The following BCAT1 variants were observed in gnomAD, a reference collection of about 807,000 sequenced individuals.
The protein encoded by BCAT1 is branched chain amino acid transaminase 1.
Under a neutral mutation model 52.4 loss-of-function variants are expected in BCAT1, and 48 were observed. That is an observed-to-expected ratio of 0.92 (90% confidence interval 0.73 to 1.16). BCAT1 has a LOEUF of 1.16. BCAT1 is among the 50% of genes most tolerant of loss of function. BCAT1 has a pLI of 0.00. For missense variants in BCAT1, 451 were observed against 457.1 expected, an observed-to-expected ratio of 0.99 and a Z score of 0.12; for synonymous variants, 167 against 161.3, an observed-to-expected ratio of 1.04 and a Z score of -0.27.
chr12:24,940,926 C>T (rs561911185), intron 1 of BCAT1, among the ~76,000 whole-genome samples: 4 of 152,268 alleles, frequency 2.6e-5, no homozygotes, highest in African/African-American at 9.6e-5. Context: ...CTCTAAGTAC[C>T]TCTTTTGTTG....
At chr12:24,926,508 G>C (rs1268378594) in intron 1 of BCAT1, among the ~76,000 whole-genome samples, 1 of 152,248 alleles carries the variant, frequency 6.6e-6, no homozygotes, top group Non-Finnish European at 1.5e-5. Flanking sequence ...GCGGTTTTGT[G>C]GAATAGAAAA....
intron 1 of BCAT1, among the ~76,000 whole-genome samples, chr12:24,942,155 A>G (rs1029908692): frequency 2.0e-4 from 30 of 152,218 alleles, no homozygotes; most frequent in African/African-American, 7.2e-4. Flanking sequence ...AGCATAAACC[A>G]GTATGCAGGG....
In BCAT1 at chr12:24,816,590, C is replaced by CAAA. The variant is rs34453620; in HGVS notation, c.*1415_*1417dup. On this transcript the variant is annotated 3_prime_UTR_variant, in exon 11 of 11. Transcript: ENST00000261192. ...CAGAGTATGCCTCTTTGTTTTCTAC[C>CAAA]AAAAAAAAAAAAAAAAGATTTATTT... 60 of 373,538 alleles carry CAAA rather than the reference C, an allele frequency of 1.6e-4. No homozygotes were observed. The highest frequency in any genetic ancestry group is 6.8e-4 in the African/African-American group (30 of 43,850). The allele number at this position is 373,538 out of a possible 1,614,324, so 23.1% of individuals were successfully genotyped here.
At chr12:24,949,256 C>T (rs534248511), upstream of BCAT1, 2 of 468,698 alleles carry the variant, frequency 4.3e-6, no homozygotes, top group South Asian at 3.3e-5. Flanking sequence ...ACTCACTGCT[C>T]ACTCCCGGGG....
chr12:24,889,439 C>A (rs933090553), intron 3 of BCAT1, among the ~76,000 whole-genome samples: 4 of 152,238 alleles, frequency 2.6e-5, no homozygotes, highest in Admixed American at 2.6e-4. Context: ...GTCCCCCATG[C>A]TCTTCCAGAA....
intron 5 of BCAT1, among the ~76,000 whole-genome samples, chr12:24,854,597 A>G (rs994741696): frequency 6.6e-6 from 1 of 152,208 alleles, no homozygotes; most frequent in African/African-American, 2.4e-5. Flanking sequence ...GTGTTTATAT[A>G]GGAAAAGCTA....
intron 1 of BCAT1, among the ~76,000 whole-genome samples, chr12:24,920,704 T>C (rs1221073245): frequency 6.6e-6 from 1 of 152,118 alleles, no homozygotes. Context: ...AGAGATAGCA[T>C]CAGATCCACA....
At chr12:24,945,026 C>T (rs1943914555) in intron 1 of BCAT1, among the ~76,000 whole-genome samples, 1 of 152,194 alleles carries the variant, frequency 6.6e-6, no homozygotes. Context: ...ATGTGACATG[C>T]TATGCTGTAT....
intron 9 of BCAT1, among the ~76,000 whole-genome samples, chr12:24,832,446 T>A (rs1940707920): frequency 6.6e-6 from 1 of 152,208 alleles, no homozygotes; most frequent in African/African-American, 2.4e-5. Flanking sequence ...GGCGCACTCC[T>A]GTAATCCCAG....
intron 1 of BCAT1, among the ~76,000 whole-genome samples, chr12:24,946,253 C>T (rs188936988): frequency 6.2e-4 from 95 of 152,216 alleles, no homozygotes; most frequent in Non-Finnish European, 1.0e-3. Flanking sequence ...TGTTTACTTC[C>T]CTAGCTTTAT....
chr12:24,894,314 T>C lies in BCAT1; in HGVS notation c.240A>G (p.Ser80=), dbSNP rs1265836379. The change falls in exon 3 of 11, where the codon TCA becomes TCG. Residue 80 remains serine (S), a synonymous_variant. Coordinates refer to ENST00000261192, the MANE Select transcript of BCAT1 (RefSeq NM_005504.7). ...GCAAAGCTGATGAGCCAGGGTGCAA[T>C]GACAGGTTCTGAAGAGGCTTGATAT... The part of the protein sequence containing the change: ...KPHIKPLQNL[S]LHPGSSALHY... The C allele has an allele frequency of 9.9e-6, 16 of 1,613,868 alleles. No individual in the cohort carries two copies. The highest frequency in any genetic ancestry group is 1.4e-5 in the Non-Finnish European group (16 of 1,179,894).
rs977304416 is a variant in BCAT1, at chr12:24,810,635, C to T, written c.*7373G>A. The T allele has an allele frequency of 6.6e-6, 1 of 152,130 alleles. No individual in the cohort carries two copies. The highest frequency in any genetic ancestry group is 1.9e-4 in the East Asian group (1 of 5,188). 9.4% of individuals were successfully genotyped at this position (152,130 alleles called of 1,614,324 possible). ...CTTTGCCTAGACCTTCCAAACTCTGCGCGTAACTTCTTGAGAGATCTGAAT... is the reference window on the plus strand; with the variant it reads ...CTTTGCCTAGACCTTCCAAACTCTGTGCGTAACTTCTTGAGAGATCTGAAT... On this transcript the variant is annotated 3_prime_UTR_variant, in exon 11 of 11. Transcript: ENST00000261192.
At chr12:24,879,830 T>A (rs1343156467) in intron 4 of BCAT1, among the ~76,000 whole-genome samples, 1 of 152,208 alleles carries the variant, frequency 6.6e-6, no homozygotes, top group East Asian at 1.9e-4. Flanking sequence ...ACAAATAATC[T>A]TCTTAGCAAC....
chr12:24,837,233 G>A (rs1941019549), intron 7 of BCAT1, among the ~76,000 whole-genome samples: 1 of 148,038 alleles, frequency 6.8e-6, no homozygotes, highest in South Asian at 2.1e-4. Flanking sequence ...TTATTGCATG[G>A]TCTTAAGAGG....
chr12:24,816,323 A>G lies in BCAT1; in HGVS notation c.*1685T>C. The stretch of plus-strand genomic sequence containing the variant: ...AAAAGAGAATAAAATATGTTCAGCA[A>G]GAAGGAAGTTATGAGGACTGAGGGA... On this transcript the variant is annotated 3_prime_UTR_variant, in exon 11 of 11. Coordinates refer to ENST00000261192, the MANE Select transcript of BCAT1 (RefSeq NM_005504.7). 1 of 393,960 alleles carries G rather than the reference A, an allele frequency of 2.5e-6. No individual in the cohort carries two copies. Among genetic ancestry groups the G allele is most frequent in the East Asian group, 3.6e-5 (1 of 27,878 alleles). 24.4% of individuals were successfully genotyped at this position (393,960 alleles called of 1,614,324 possible).
chr12:24,880,874 G>A (rs534096984), intron 4 of BCAT1, among the ~76,000 whole-genome samples: 44 of 149,824 alleles, frequency 2.9e-4, no homozygotes, highest in African/African-American at 7.4e-4. Context: ...CTCACTTTGC[G>A]GCTTAGGCTG....
chr12:24,847,649 C>A (rs2139455933), intron 6 of BCAT1, among the ~76,000 whole-genome samples: 1 of 152,228 alleles, frequency 6.6e-6, no homozygotes, highest in Non-Finnish European at 1.5e-5. Context: ...AAGCCTTATT[C>A]CTCCCAAATT....
At chr12:24,834,320 T>A (rs1940829020) in intron 8 of BCAT1, 1 of 985,332 alleles carries the variant, frequency 1.0e-6, no homozygotes, top group Admixed American at 6.1e-5. Context: ...ATTCAGTTGA[T>A]TTTCATCATG....
chr12:24,814,906 C>A lies in BCAT1; in HGVS notation c.*3102G>T, dbSNP rs1490564084. 1.4e-5 allele frequency: 2 copies of A among 147,498 alleles called. No individual in the cohort carries two copies. Among genetic ancestry groups the A allele is most frequent in the African/African-American group, 5.0e-5 (2 of 39,976 alleles). The allele number at this position is 147,498 out of a possible 1,614,324, so 9.1% of individuals were successfully genotyped here. A position where few individuals can be genotyped will look rare whatever the true frequency, so the allele number is the denominator to read the frequency against. ...GAAAAAACCTGATTCCTTAACAAGACTTCTCAGTCACTTGTTTCTCTTTCC... is the reference window on the plus strand; with the variant it reads ...GAAAAAACCTGATTCCTTAACAAGAATTCTCAGTCACTTGTTTCTCTTTCC... On this transcript the variant is annotated 3_prime_UTR_variant, in exon 11 of 11. Coordinates refer to ENST00000261192, the MANE Select transcript of BCAT1 (RefSeq NM_005504.7).
Sources: gnomAD v4.1 joint callset for allele counts (sites outside exome capture counted in the v4.1 genomes callset) on GRCh38, gnomAD v4.1.1 for gene constraint, MANE v1.5 for transcripts, NCBI Gene and HGNC (gene_info 2026-07-23, HGNC 2026-07-21) for gene names.